FOXO1: variants seen among roughly 807,000 people sequenced by gnomAD.
The protein encoded by FOXO1 is forkhead box protein O1.
A neutral mutation model predicts 44.1 loss-of-function variants in FOXO1; 6 were observed. That is an observed-to-expected ratio of 0.14 (90% CI 0.07 to 0.27). FOXO1 has a LOEUF of 0.27. Ranked by LOEUF, FOXO1 falls within the 10% of genes least tolerant of loss-of-function variation. The probability of loss-of-function intolerance (pLI) is 1.00; values close to 1 mark genes in which losing one functional copy is unlikely to be tolerated. For synonymous variants in FOXO1, 380 were observed against 362.7 expected (o/e 1.05, Z -0.54); for missense variants, 737 against 888.8 (o/e 0.83, Z 2.17).
intron 1 of FOXO1, among the ~76,000 whole-genome samples, chr13:40,639,418 T>C (rs573412882): frequency 5.9e-5 from 9 of 152,354 alleles, no homozygotes; most frequent in Admixed American, 3.9e-4. Context: ...CTTCTAGTTT[T>C]AGGTGCAGTA....
rs1873835156 is a variant in FOXO1 at position 40,558,295 on chromosome 13, C to T, written c.*754G>A. The T allele has an allele frequency of 6.6e-6, 1 of 152,502 alleles. No individual in the cohort carries two copies. The highest frequency in any genetic ancestry group is 1.5e-5 in the Non-Finnish European group (1 of 68,012). The allele number at this position is 152,502 out of a possible 1,614,324, so 9.4% of individuals were successfully genotyped here. On this transcript the variant is annotated 3_prime_UTR_variant, in exon 3 of 3. Transcript: ENST00000379561. Reference sequence around the variant, plus strand: ...AAATGTTCTTAAGTCCCAACAATAACATCAAAAATCATTTATCTGGAAATT... The same window carrying T: ...AAATGTTCTTAAGTCCCAACAATAATATCAAAAATCATTTATCTGGAAATT...
At chr13:40,609,798 A>G (rs1876164641) in intron 1 of FOXO1, among the ~76,000 whole-genome samples, 1 of 152,132 alleles carries the variant, frequency 6.6e-6, no homozygotes, top group Non-Finnish European at 1.5e-5. Flanking sequence ...ATAGGAAAAA[A>G]CACATTTTTA....
At chr13:40,641,846 C>T (rs1877363952) in intron 1 of FOXO1, among the ~76,000 whole-genome samples, 1 of 152,054 alleles carries the variant, frequency 6.6e-6, no homozygotes, top group African/African-American at 2.4e-5. Context: ...ATTAGCAGGG[C>T]ATGGTGGCGC....
chr13:40,608,692 C>T (rs562617335), intron 1 of FOXO1, among the ~76,000 whole-genome samples: 8 of 151,996 alleles, frequency 5.3e-5, no homozygotes, highest in Non-Finnish European at 8.8e-5. Context: ...TTCAGATTCT[C>T]TTCAGAAAAG....
At chr13:40,605,683 A>G (rs1252562109) in intron 1 of FOXO1, among the ~76,000 whole-genome samples, 1 of 152,122 alleles carries the variant, frequency 6.6e-6, no homozygotes, top group Non-Finnish European at 1.5e-5. Context: ...CCTGGTTCCA[A>G]CCCAATGGTG....
At chr13:40,654,735 G>T (rs1310790975) in intron 1 of FOXO1, among the ~76,000 whole-genome samples, 1 of 152,092 alleles carries the variant, frequency 6.6e-6, no homozygotes. Flanking sequence ...CAGATGAGGG[G>T]TGCTGCAGTG....
chr13:40,664,812 ACCGCCACCGCCACCGCCACCGCCCGCGC>A lies in FOXO1; in HGVS notation c.630+743_630+770del, dbSNP rs1214611519. ...CTGCGCCCGGGGCCCCTCCCACGCC[ACCGCCACCGCCACCGCCACCGCCCGCGC>A]CCGCCCCCGCCGAGGGTCACACTTG... On this transcript the variant is annotated intron_variant, in intron 1 of 2. Transcript: ENST00000379561. Among the ~76,000 whole-genome samples, 2 of 52,438 alleles carry A rather than the reference ACCGCCACCGCCACCGCCACCGCCCGCGC, an allele frequency of 3.8e-5. 1 individual carries two copies. Among genetic ancestry groups the A allele is most frequent in the South Asian group, 1.8e-3 (2 of 1,130 alleles). 34.4% of individuals were successfully genotyped at this position (52,438 alleles called of 152,430 possible).
chr13:40,629,229 G>C (rs111599639), intron 1 of FOXO1, among the ~76,000 whole-genome samples: 1 of 151,064 alleles, frequency 6.6e-6, no homozygotes, highest in Non-Finnish European at 1.5e-5. Flanking sequence ...TGCAACCTCC[G>C]CCTCCCGGGT....
intron 1 of FOXO1, among the ~76,000 whole-genome samples, chr13:40,596,403 T>C (rs1875578948): frequency 6.6e-6 from 1 of 152,214 alleles, no homozygotes. Context: ...AAGACTACCT[T>C]GCATACAGCC....
At chr13:40,620,192 C>T (rs1011829438) in intron 1 of FOXO1, 3 of 1,568,652 alleles carry the variant, frequency 1.9e-6, no homozygotes, top group East Asian at 2.3e-5. Context: ...AGATCCTCAA[C>T]TGCTGTACTA....
intron 1 of FOXO1, among the ~76,000 whole-genome samples, chr13:40,662,711 G>A (rs1056591799): frequency 2.6e-5 from 4 of 152,188 alleles, no homozygotes; most frequent in Non-Finnish European, 5.9e-5. Context: ...CCAGGAAGCA[G>A]CACACAAGAA....
intron 1 of FOXO1, among the ~76,000 whole-genome samples, chr13:40,568,151 C>G (rs921561534): frequency 6.6e-6 from 1 of 152,140 alleles, no homozygotes; most frequent in Admixed American, 6.5e-5. Flanking sequence ...AACTGCCCAC[C>G]ACCCTGCGTG....
intron 1 of FOXO1, among the ~76,000 whole-genome samples, chr13:40,608,841 A>C (rs1876118331): frequency 6.6e-6 from 1 of 152,152 alleles, no homozygotes; most frequent in African/African-American, 2.4e-5. Context: ...CAAAGCAGTA[A>C]AGTAAGATTT....
chr13:40,575,913 G>A (rs752212668), intron 1 of FOXO1, among the ~76,000 whole-genome samples: 2 of 152,234 alleles, frequency 1.3e-5, no homozygotes, highest in Admixed American at 6.5e-5. Flanking sequence ...GAATTCTTGA[G>A]GTAGGGCAGA....
rs551263754 is a variant in FOXO1, at chr13:40,568,080, G to C, written c.631-7220C>G. Among the ~76,000 whole-genome samples, 31 of 152,232 alleles carry C rather than the reference G, an allele frequency of 2.0e-4. 1 individual carries two copies. The South Asian group carries it at 5.8e-3, about 28-fold the overall frequency. ...TTTCAGATGTGAGCATCATCCTAGGGAAAACCTGTGGGGACTCACAGGGAA... is the reference window on the plus strand; with the variant it reads ...TTTCAGATGTGAGCATCATCCTAGGCAAAACCTGTGGGGACTCACAGGGAA... On this transcript the variant is annotated intron_variant, in intron 1 of 2. Transcript: ENST00000379561.
intron 1 of FOXO1, among the ~76,000 whole-genome samples, chr13:40,590,112 C>T (rs1044592563): frequency 1.3e-5 from 2 of 152,166 alleles, no homozygotes; most frequent in Non-Finnish European, 2.9e-5. Context: ...TTTTACAACC[C>T]CTAGAGCAGG....
chr13:40,601,350 G>A (rs1278549608), intron 1 of FOXO1, among the ~76,000 whole-genome samples: 4 of 152,152 alleles, frequency 2.6e-5, no homozygotes, highest in Admixed American at 2.0e-4. Context: ...TTCACTGACT[G>A]AACTTTGTTA....
intron 1 of FOXO1, among the ~76,000 whole-genome samples, chr13:40,664,375 T>C (rs539069656): frequency 1.3e-5 from 2 of 152,200 alleles, no homozygotes; most frequent in East Asian, 3.9e-4. Context: ...GCGCCACGAC[T>C]GGACCCCGCC....
At chr13:40,590,891 T>C (rs1875342400) in intron 1 of FOXO1, among the ~76,000 whole-genome samples, 1 of 152,162 alleles carries the variant, frequency 6.6e-6, no homozygotes, top group African/African-American at 2.4e-5. Flanking sequence ...ACGCTACACT[T>C]TACGAGCTGG....
Sources: gnomAD v4.1 joint callset for allele counts (sites outside exome capture counted in the v4.1 genomes callset) on GRCh38, gnomAD v4.1.1 for gene constraint, MANE v1.5 for transcripts, NCBI Gene and HGNC (gene_info 2026-07-23, HGNC 2026-07-21) for gene names.